The following NSUN6 variants were observed in gnomAD, a reference collection of about 807,000 sequenced individuals.
NSUN6 encodes tRNA (cytosine(72)-C(5))-methyltransferase NSUN6.
In NSUN6, 64 loss-of-function variants were observed where a neutral mutation model predicts 58.0. That is an observed-to-expected ratio of 1.10 (90% confidence interval 0.90 to 1.36). NSUN6 has a LOEUF of 1.36. Ranked by LOEUF, NSUN6 falls within the 40% of genes most tolerant of loss-of-function variation. NSUN6 has a pLI of 0.00. For synonymous variants in NSUN6, 231 were observed against 193.9 expected, an observed-to-expected ratio of 1.19 and a Z score of -1.59; for missense variants, 701 against 550.1, an observed-to-expected ratio of 1.27 and a Z score of -2.74.
intron 3 of NSUN6, among the ~76,000 whole-genome samples, chr10:18,627,297 C>G (rs2058845228): frequency 6.6e-6 from 1 of 152,078 alleles, no homozygotes; most frequent in Non-Finnish European, 1.5e-5. Context: ...TTAACTGATT[C>G]ATTTGTATTT....
At position 18,651,482 on chromosome 10, in the gene NSUN6, A is replaced by G. The variant is rs1332445613; in HGVS notation, c.-279T>C. Reference sequence around the variant, plus strand: ...CTGAGCCAATGCCACTCACGTTGCAAAGAACCAAAAAAAGAAAAAAATGCT... The same window carrying G: ...CTGAGCCAATGCCACTCACGTTGCAGAGAACCAAAAAAAGAAAAAAATGCT... On this transcript the variant is annotated 5_prime_UTR_variant, in exon 1 of 11. Transcript: ENST00000377304. 8.9e-7 allele frequency: 1 copy of G among 1,119,684 alleles called. No homozygotes were observed. Among genetic ancestry groups the G allele is most frequent in the Non-Finnish European group, 1.1e-6 (1 of 917,484 alleles). The allele number at this position is 1,119,684 out of a possible 1,614,324, so 69.4% of individuals were successfully genotyped here. A position where few individuals can be genotyped will look rare whatever the true frequency, so the allele number is the denominator to read the frequency against.
chr10:18,653,948 T>C (rs2131620642), upstream of NSUN6, among the ~76,000 whole-genome samples: 1 of 152,312 alleles, frequency 6.6e-6, no homozygotes, highest in African/African-American at 2.4e-5. Context: ...CTCACTCTTT[T>C]TAGTTTGTGG....
At position 18,597,067 on chromosome 10, in the gene NSUN6, C is replaced by T. The variant is rs146056934; in HGVS notation, c.658-740G>A. Among the ~76,000 whole-genome samples the T allele has an allele frequency of 2.8e-4, 43 of 152,168 alleles. No homozygotes were observed. In the East Asian group the frequency reaches 5.4e-3, roughly 19 times the overall value. ...AATGCAAAAACAAACAAACAAACAA[C>T]GACAACAACAAAAAACCTCAAACCC... is the stretch of plus-strand genomic sequence containing the variant. On this transcript the variant is annotated intron_variant, in intron 6 of 10. Coordinates refer to ENST00000377304, the MANE Select transcript of NSUN6 (RefSeq NM_182543.5).
upstream of NSUN6, among the ~76,000 whole-genome samples, chr10:18,657,572 T>C (rs1027625730): frequency 2.6e-5 from 4 of 152,094 alleles, no homozygotes; most frequent in Admixed American, 2.6e-4. Context: ...TTAAGAAATC[T>C]ATAGTTTTTT....
rs1408845455 is a variant in NSUN6 at position 18,651,274 on chromosome 10, G to C, written c.-71C>G. ...GTGTTTTGTTTTTTTTTTTCTTTCC[G>C]AATTAATAGTGACGAGTGTCTTGAC... On this transcript the variant is annotated 5_prime_UTR_variant, in exon 1 of 11. Coordinates refer to ENST00000377304, the MANE Select transcript of NSUN6 (RefSeq NM_182543.5). The C allele has an allele frequency of 3.4e-6, 5 of 1,473,714 alleles. No homozygotes were observed. The highest frequency in any genetic ancestry group is 3.6e-6 in the Non-Finnish European group (4 of 1,118,822). The allele number at this position is 1,473,714 out of a possible 1,614,324, so 91.3% of individuals were successfully genotyped here. A position where few individuals can be genotyped will look rare whatever the true frequency, so the allele number is the denominator to read the frequency against.
chr10:18,640,226 C>G (rs1248839279), intron 3 of NSUN6, among the ~76,000 whole-genome samples: 1 of 152,114 alleles, frequency 6.6e-6, no homozygotes, highest in Non-Finnish European at 1.5e-5. Flanking sequence ...CATGTGCATT[C>G]ATGTATGCAG....
chr10:18,632,421 A>C (rs376135145), intron 3 of NSUN6, among the ~76,000 whole-genome samples: 2 of 143,606 alleles, frequency 1.4e-5, no homozygotes, highest in Non-Finnish European at 3.0e-5. Context: ...TAATTAAACT[A>C]AAGAGCTTCT....
chr10:18,596,551 A>G lies in NSUN6; in HGVS notation c.658-224T>C, dbSNP rs781070458. 1.2e-4 allele frequency among the ~76,000 whole-genome samples: 19 copies of G among 152,262 alleles called. No individual in the cohort carries two copies. The Middle Eastern group carries it at 0.017, about 136-fold the overall frequency. On this transcript the variant is annotated intron_variant, in intron 6 of 10. Coordinates refer to ENST00000377304, the MANE Select transcript of NSUN6 (RefSeq NM_182543.5). ...ACAAACCACCTGCGCAAAAATATAC[A>G]TGACACAATTTTCAAGTCAACTGAA...
intron 2 of NSUN6, among the ~76,000 whole-genome samples, chr10:18,644,145 C>G (rs116991331): frequency 6.6e-6 from 1 of 152,182 alleles, no homozygotes; most frequent in African/African-American, 2.4e-5. Context: ...AGATCCTTCA[C>G]GCTCACTGGC....
intron 1 of NSUN6, among the ~76,000 whole-genome samples, chr10:18,649,646 C>T (rs1485268012): frequency 6.7e-6 from 1 of 148,194 alleles, no homozygotes; most frequent in Non-Finnish European, 1.5e-5. Context: ...AAAAAAAAGG[C>T]ATAAAACTTA....
chr10:18,652,442 C>T (rs2059725648), upstream of NSUN6: 4 of 984,736 alleles, frequency 4.1e-6, no homozygotes, highest in Non-Finnish European at 4.8e-6. Context: ...GAATTATACA[C>T]ACAGACACAC....
At chr10:18,591,293 C>A (rs2057368549) in intron 7 of NSUN6, among the ~76,000 whole-genome samples, 1 of 152,142 alleles carries the variant, frequency 6.6e-6, no homozygotes, top group Admixed American at 6.5e-5. Context: ...CAGCAAAATT[C>A]TACCAGAGGT....
chr10:18,655,820 G>A (rs183379229), upstream of NSUN6, among the ~76,000 whole-genome samples: 2 of 152,294 alleles, frequency 1.3e-5, no homozygotes, highest in Admixed American at 6.5e-5. Context: ...GATGATACAA[G>A]CTTTGAAGTA....
intron 5 of NSUN6, 67 bp downstream of exon 5, chr10:18,614,393 C>T (rs2058338833): frequency 2.1e-6 from 2 of 972,744 alleles, no homozygotes; most frequent in South Asian, 4.9e-5. Context: ...ATACATTTTA[C>T]ATTATTTTTA....
At chr10:18,600,327 A>G (rs1313494744) in intron 6 of NSUN6, among the ~76,000 whole-genome samples, 1 of 152,172 alleles carries the variant, frequency 6.6e-6, no homozygotes, top group African/African-American at 2.4e-5. Flanking sequence ...CAGTAATCAC[A>G]TAGAATGAAA....
At chr10:18,595,614 T>C (rs10764605) in intron 7 of NSUN6, among the ~76,000 whole-genome samples, 59,982 of 151,960 alleles carry the variant, frequency 0.39, 12,487 homozygotes, top group East Asian at 0.74. Flanking sequence ...AAGAAGAGTA[T>C]AAATAAGCAG....
chr10:18,618,251 A>G (rs2058481241), intron 3 of NSUN6, among the ~76,000 whole-genome samples: 1 of 152,242 alleles, frequency 6.6e-6, no homozygotes, highest in South Asian at 2.1e-4. Context: ...GTATGTAGAC[A>G]TGAATCTACT....
At chr10:18,650,793 G>C (rs934497892) in intron 1 of NSUN6, among the ~76,000 whole-genome samples, 8 of 152,256 alleles carry the variant, frequency 5.3e-5, no homozygotes, top group Non-Finnish European at 2.9e-5. Context: ...TTTCACCTGA[G>C]TGCCAGAGCC....
At chr10:18,578,894 T>A (rs1431858837) in intron 8 of NSUN6, among the ~76,000 whole-genome samples, 1 of 152,146 alleles carries the variant, frequency 6.6e-6, no homozygotes, top group African/African-American at 2.4e-5. Flanking sequence ...ATAGGACACA[T>A]CTGTAAATGG....
Sources: gnomAD v4.1 joint callset for allele counts (sites outside exome capture counted in the v4.1 genomes callset) on GRCh38, gnomAD v4.1.1 for gene constraint, MANE v1.5 for transcripts, NCBI Gene and HGNC (gene_info 2026-07-23, HGNC 2026-07-21) for gene names.